Variants in CTNNBL1 observed in about 807,000 individuals in gnomAD.
CTNNBL1 encodes catenin beta like 1, also known as beta-catenin-like protein 1.
Under a neutral mutation model 72.7 loss-of-function variants are expected in CTNNBL1, and 31 were observed. That is an observed-to-expected ratio of 0.43 (90% CI 0.32 to 0.58). The LOEUF is 0.58. Ranked by LOEUF, CTNNBL1 falls within the 20% of genes least tolerant of loss-of-function variation. The probability of loss-of-function intolerance (pLI) is 0.08; values close to 1 mark genes in which losing one functional copy is unlikely to be tolerated. For synonymous variants in CTNNBL1, 240 were observed against 267.3 expected, an observed-to-expected ratio of 0.90 and a Z score of 1.00; for missense variants, 534 against 725.1, an observed-to-expected ratio of 0.74 and a Z score of 3.03.
intron 1 of CTNNBL1, among the ~76,000 whole-genome samples, chr20:37,703,640 A>T (rs1436367760): frequency 7.9e-5 from 12 of 152,232 alleles, no homozygotes; most frequent in Admixed American, 7.8e-4. Flanking sequence ...CAGATATCAC[A>T]TAATTCTCTG....
chr20:37,777,460 C>T, intron 8 of CTNNBL1, 43 bp downstream of exon 8: 1 of 1,588,624 alleles, frequency 6.3e-7, no homozygotes, highest in South Asian at 1.1e-5. Flanking sequence ...AGGATAGGAG[C>T]CAGGCTTGTT....
chr20:37,793,813 C>G (rs1229410057), intron 10 of CTNNBL1, among the ~76,000 whole-genome samples: 1 of 152,014 alleles, frequency 6.6e-6, no homozygotes. Flanking sequence ...CAGAGTCTCA[C>G]TCTGTTGCCC....
rs1366246606 is a variant in CTNNBL1 at position 37,859,410 on chromosome 20, G to A, written c.1393-489G>A. 4.0e-5 allele frequency among the ~76,000 whole-genome samples: 6 copies of A among 151,586 alleles called. No homozygotes were observed. The East Asian group carries it at 7.7e-4, about 20-fold the overall frequency. The stretch of plus-strand genomic sequence containing the variant: ...CTTGACTGACTGGGACCTGAGGCTC[G>A]TTGCCACTACCAGCCTTGCAGGAGA... On this transcript the variant is annotated intron_variant, in intron 13 of 15. Coordinates refer to ENST00000361383, the MANE Select transcript of CTNNBL1 (RefSeq NM_030877.5).
chr20:37,766,222 A>G (rs949739650), intron 6 of CTNNBL1, among the ~76,000 whole-genome samples: 2 of 152,220 alleles, frequency 1.3e-5, no homozygotes, highest in East Asian at 1.9e-4. Context: ...TGGCATTGCC[A>G]TTTGTTAGCA....
chr20:37,728,000 CT>C (rs1353240929), intron 1 of CTNNBL1, among the ~76,000 whole-genome samples: 6 of 152,214 alleles, frequency 3.9e-5, no homozygotes, highest in Admixed American at 3.9e-4. Flanking sequence ...TAGTGTGACT[CT>C]TTCACGAACA....
At chr20:37,791,117 C>T (rs1159662232) in intron 10 of CTNNBL1, among the ~76,000 whole-genome samples, 1 of 152,178 alleles carries the variant, frequency 6.6e-6, no homozygotes, top group Non-Finnish European at 1.5e-5. Context: ...CTGAGTAGCA[C>T]TCCATTATAT....
At chr20:37,773,405 TC>T (rs1326218008) in intron 7 of CTNNBL1, among the ~76,000 whole-genome samples, 1 of 152,200 alleles carries the variant, frequency 6.6e-6, no homozygotes, top group African/African-American at 2.4e-5. Flanking sequence ...GTAATTTTAT[TC>T]AAGGCTAGTA....
intron 10 of CTNNBL1, among the ~76,000 whole-genome samples, chr20:37,780,304 A>G (rs146319241): frequency 2.0e-5 from 3 of 152,300 alleles, no homozygotes; most frequent in Non-Finnish European, 4.4e-5. Flanking sequence ...TTAGAATACT[A>G]ACATATAAAA....
chr20:37,826,201 A>G (rs1213807649), intron 11 of CTNNBL1, among the ~76,000 whole-genome samples: 1 of 152,200 alleles, frequency 6.6e-6, no homozygotes, highest in African/African-American at 2.4e-5. Flanking sequence ...AAGCATACAT[A>G]CTCACTTCTT....
intron 11 of CTNNBL1, among the ~76,000 whole-genome samples, chr20:37,812,222 T>TC (rs2072017853): frequency 6.6e-6 from 1 of 152,360 alleles, no homozygotes; most frequent in African/African-American, 2.4e-5. Flanking sequence ...CATGAGTGTC[T>TC]GACGTAGTCT....
intron 10 of CTNNBL1, among the ~76,000 whole-genome samples, chr20:37,801,281 C>G (rs1274289862): frequency 6.6e-6 from 1 of 152,050 alleles, no homozygotes; most frequent in Non-Finnish European, 1.5e-5. Context: ...AAGCAGAACC[C>G]ATTTCTTACT....
At chr20:37,726,628 G>GTTA (rs2073087298) in intron 1 of CTNNBL1, among the ~76,000 whole-genome samples, 1 of 152,184 alleles carries the variant, frequency 6.6e-6, no homozygotes. Flanking sequence ...ATTTTCTGAA[G>GTTA]TTAGCCAAGC....
At chr20:37,759,494 G>A (rs2073395571) in intron 5 of CTNNBL1, among the ~76,000 whole-genome samples, 1 of 152,086 alleles carries the variant, frequency 6.6e-6, no homozygotes, top group African/African-American at 2.4e-5. Context: ...TTTCTGTGTT[G>A]TCAAGCCCAC....
At chr20:37,755,445 A>G (rs1157617358) in intron 4 of CTNNBL1, among the ~76,000 whole-genome samples, 1 of 152,194 alleles carries the variant, frequency 6.6e-6, no homozygotes, top group Non-Finnish European at 1.5e-5. Context: ...ATTATTTTTT[A>G]GATGAAGATG....
At chr20:37,854,461 C>G (rs1002384090) in intron 13 of CTNNBL1, among the ~76,000 whole-genome samples, 1 of 151,852 alleles carries the variant, frequency 6.6e-6, no homozygotes, top group Non-Finnish European at 1.5e-5. Context: ...GGGTTTGAGT[C>G]CCAGTTCTGC....
intron 1 of CTNNBL1, among the ~76,000 whole-genome samples, chr20:37,718,803 G>A (rs1220171433): frequency 6.6e-6 from 1 of 152,252 alleles, no homozygotes; most frequent in Admixed American, 6.5e-5. Context: ...AGGGATTTTA[G>A]TGTTGGCTGA....
intron 4 of CTNNBL1, among the ~76,000 whole-genome samples, chr20:37,753,330 G>T (rs534299473): frequency 6.0e-4 from 92 of 152,270 alleles, no homozygotes; most frequent in South Asian, 1.0e-3. Context: ...ACTGAAATAT[G>T]ATAAGAAACA....
chr20:37,797,964 G>A (rs1443007154), intron 10 of CTNNBL1, among the ~76,000 whole-genome samples: 1 of 152,124 alleles, frequency 6.6e-6, no homozygotes, highest in Non-Finnish European at 1.5e-5. Flanking sequence ...CTTGGTTCAG[G>A]CATCATCTCC....
intron 11 of CTNNBL1, among the ~76,000 whole-genome samples, chr20:37,829,145 TAA>T (rs2072186497): frequency 6.6e-6 from 1 of 152,106 alleles, no homozygotes; most frequent in Non-Finnish European, 1.5e-5. Context: ...GGTTCAGCAA[TAA>T]AAGAGACCAC....
Sources: gnomAD v4.1 joint callset for allele counts (sites outside exome capture counted in the v4.1 genomes callset) on GRCh38, gnomAD v4.1.1 for gene constraint, MANE v1.5 for transcripts, NCBI Gene and HGNC (gene_info 2026-07-23, HGNC 2026-07-21) for gene names.